CCDC7: variants seen among roughly 807,000 people sequenced by gnomAD.
The protein encoded by CCDC7 is coiled-coil domain containing 7, also known as coiled-coil domain-containing protein 7.
CCDC7 carries 183 observed loss-of-function variants against 196.9 expected under a neutral mutation model. That is an observed-to-expected ratio of 0.93 (90% confidence interval 0.82 to 1.05). CCDC7 has a LOEUF of 1.05. Ranked by LOEUF, CCDC7 falls within the 50% of genes least tolerant of loss-of-function variation. The probability of loss-of-function intolerance (pLI) is 0.00; values close to 1 mark genes in which losing one functional copy is unlikely to be tolerated. For missense variants in CCDC7, 1,540 were observed against 1,482.2 expected, an observed-to-expected ratio of 1.04 and a Z score of -0.64; for synonymous variants, 525 against 484.6, an observed-to-expected ratio of 1.08 and a Z score of -1.10.
chr10:32,731,260 A>G (rs1233591918), intron 28 of CCDC7, among the ~76,000 whole-genome samples: 2 of 152,124 alleles, frequency 1.3e-5, no homozygotes, highest in Non-Finnish European at 2.9e-5. Context: ...CTACAGAGTG[A>G]TTTTGGTTAG....
chr10:32,567,792 A>C (rs139518887), exon 15 of CCDC7: 3 of 1,613,620 alleles, frequency 1.9e-6, no homozygotes, highest in South Asian at 2.2e-5. Flanking sequence ...TTAAAGGTGA[A>C]GATTCAAAAA....
chr10:32,776,836 G>A (rs1437367459), intron 28 of CCDC7, among the ~76,000 whole-genome samples: 2 of 151,494 alleles, frequency 1.3e-5, no homozygotes, highest in Non-Finnish European at 2.9e-5. Flanking sequence ...TTAGTACTAT[G>A]TACTATACTT....
upstream of CCDC7, among the ~76,000 whole-genome samples, chr10:32,448,584 A>G (rs2032089265): frequency 6.6e-6 from 1 of 152,040 alleles, no homozygotes; most frequent in Admixed American, 6.6e-5. Flanking sequence ...CTAAAATAGT[A>G]TGTTATACTA....
intron 20 of CCDC7, among the ~76,000 whole-genome samples, chr10:32,649,953 T>A (rs2068440969): frequency 6.6e-6 from 1 of 152,224 alleles, no homozygotes; most frequent in Non-Finnish European, 1.5e-5. Flanking sequence ...TTTTCAACTT[T>A]CTCTGTGATC....
At chr10:32,639,898 T>G (rs898855312) in intron 20 of CCDC7, among the ~76,000 whole-genome samples, 1 of 152,182 alleles carries the variant, frequency 6.6e-6, no homozygotes, top group African/African-American at 2.4e-5. Flanking sequence ...ATTACAAGCG[T>G]GAGCCACTGC....
intron 31 of CCDC7, among the ~76,000 whole-genome samples, chr10:32,816,332 A>G (rs2088528640): frequency 6.6e-6 from 1 of 152,224 alleles, no homozygotes; most frequent in East Asian, 1.9e-4. Context: ...TAAACAAAGC[A>G]GCCAGGAAGC....
intron 16 of CCDC7, among the ~76,000 whole-genome samples, chr10:32,573,000 C>T (rs3006742): frequency 0.021 from 3,167 of 151,608 alleles, 46 homozygotes; most frequent in Non-Finnish European, 0.033. Context: ...GCCTCAGCCT[C>T]CCCAGGAGCT....
intron 18 of CCDC7, among the ~76,000 whole-genome samples, chr10:32,616,551 G>GT (rs35565255): frequency 0.13 from 19,165 of 144,028 alleles, 1,376 homozygotes; most frequent in African/African-American, 0.21. Context: ...AATCTAAGAG[G>GT]TTTTTTTTTT....
At chr10:32,675,840 C>T (rs1337853923) in intron 21 of CCDC7, 1 of 152,218 alleles carries the variant, frequency 6.6e-6, no homozygotes, top group South Asian at 2.1e-4. Context: ...ATGCCATCCC[C>T]ATCCAGCTAC....
intron 9 of CCDC7, among the ~76,000 whole-genome samples, chr10:32,501,207 G>A (rs1405473834): frequency 6.6e-6 from 1 of 151,882 alleles, no homozygotes; most frequent in Non-Finnish European, 1.5e-5. Flanking sequence ...CAAAGTTCTC[G>A]TCCTGTGTTT....
chr10:32,509,069 C>T (rs2045673412), intron 9 of CCDC7, among the ~76,000 whole-genome samples: 1 of 151,816 alleles, frequency 6.6e-6, no homozygotes, highest in East Asian at 1.9e-4. Flanking sequence ...TGAGTAGCCT[C>T]AGATGATCCA....
intron 41 of CCDC7, among the ~76,000 whole-genome samples, chr10:32,873,555 C>T (rs1256098462): frequency 6.6e-6 from 1 of 151,888 alleles, no homozygotes; most frequent in Non-Finnish European, 1.5e-5. Flanking sequence ...ATTCTCTGTC[C>T]AGCTTTGTTC....
At position 32,846,224 on chromosome 10, in the gene CCDC7, A is replaced by G. The variant is rs1017674207; in HGVS notation, c.3605-152A>G. 1.1e-5 allele frequency: 7 copies of G among 623,144 alleles called. No homozygotes were observed. In the African/African-American group the frequency reaches 1.3e-4, roughly 12 times the overall value. The allele number at this position is 623,144 out of a possible 1,614,324, so 38.6% of individuals were successfully genotyped here. A position where few individuals can be genotyped will look rare whatever the true frequency, so the allele number is the denominator to read the frequency against. On this transcript the variant is annotated intron_variant, in intron 36 of 41. Transcript: ENST00000639629. Reference sequence around the variant, plus strand: ...TAGACCTTTAATGACAACAGTGTCTACATGTTATTATTACATAGGTACCTA... The same window carrying G: ...TAGACCTTTAATGACAACAGTGTCTGCATGTTATTATTACATAGGTACCTA...
intron 41 of CCDC7, among the ~76,000 whole-genome samples, chr10:32,867,174 T>A (rs1335624793): frequency 6.6e-6 from 1 of 151,686 alleles, no homozygotes; most frequent in African/African-American, 2.4e-5. Context: ...GACATTATTA[T>A]GACAAATGCA....
At chr10:32,835,070 T>C (rs1204358503) in intron 33 of CCDC7, among the ~76,000 whole-genome samples, 172 bp downstream of exon 34, 1 of 152,146 alleles carries the variant, frequency 6.6e-6, no homozygotes, top group Non-Finnish European at 1.5e-5. Context: ...GAACATTAGT[T>C]AGATATGATT....
chr10:32,783,236 G>T (rs1011569796), intron 29 of CCDC7, among the ~76,000 whole-genome samples: 1 of 152,140 alleles, frequency 6.6e-6, no homozygotes, highest in Non-Finnish European at 1.5e-5. Flanking sequence ...CCCAGAGAGT[G>T]GGAGAAAATA....
intron 8 of CCDC7, among the ~76,000 whole-genome samples, chr10:32,487,608 T>C (rs1648329517): frequency 6.6e-6 from 1 of 152,150 alleles, no homozygotes; most frequent in African/African-American, 2.4e-5. Flanking sequence ...TTCCCCATCT[T>C]TGTGGTTTTA....
At chr10:32,735,229 G>C (rs138524546) in intron 28 of CCDC7, among the ~76,000 whole-genome samples, 1 of 152,178 alleles carries the variant, frequency 6.6e-6, no homozygotes, top group Non-Finnish European at 1.5e-5. Flanking sequence ...CAAGGAGCAC[G>C]ATTGCTGTAT....
At chr10:32,630,775 A>C (rs2064751858) in intron 18 of CCDC7, among the ~76,000 whole-genome samples, 1 of 152,170 alleles carries the variant, frequency 6.6e-6, no homozygotes, top group Admixed American at 6.6e-5. Context: ...GATCCAAAAT[A>C]ATTGTAAATT....
Sources: gnomAD v4.1 joint callset for allele counts (sites outside exome capture counted in the v4.1 genomes callset) on GRCh38, gnomAD v4.1.1 for gene constraint, MANE v1.5 for transcripts, NCBI Gene and HGNC (gene_info 2026-07-23, HGNC 2026-07-21) for gene names.